Variants in NPR3 observed in about 807,000 individuals in gnomAD.
The protein encoded by NPR3 is atrial natriuretic peptide receptor 3.
A neutral mutation model predicts 54.5 loss-of-function variants in NPR3; 34 were observed. The observed-to-expected ratio is 0.62, with a 90% CI of 0.47 to 0.83. The LOEUF (loss-of-function observed/expected upper bound fraction) is 0.83, where lower values mean the gene tolerates loss of function less well. Ranked by LOEUF, NPR3 falls within the 40% of genes least tolerant of loss-of-function variation. The pLI is 0.00. For synonymous variants in NPR3, 289 were observed against 297.1 expected (o/e 0.97, Z 0.28); for missense variants, 674 against 720.8 (o/e 0.94, Z 0.74).
Position 32,785,138 on chromosome 5 carries a change from A to ATTT in NPR3, c.1514+281_1514+283dup, listed in dbSNP as rs11427729. ...AGCTGCTGCTGCCCTTTGATCACAGATTTTTTTTTTTTTTTTTTTTTTTTT... is the reference window on the plus strand; with the variant it reads ...AGCTGCTGCTGCCCTTTGATCACAGATTTTTTTTTTTTTTTTTTTTTTTTTTTT... On this transcript the variant is annotated intron_variant, in intron 7 of 7. Transcript: ENST00000265074. Among the ~76,000 whole-genome samples, 43 of 90,898 alleles carry ATTT rather than the reference A, an allele frequency of 4.7e-4. 2 individuals carry two copies. The highest frequency in any genetic ancestry group is 8.4e-4 in the African/African-American group (17 of 20,142). 59.6% of individuals were successfully genotyped at this position (90,898 alleles called of 152,430 possible).
intron 4 of NPR3, among the ~76,000 whole-genome samples, chr5:32,777,276 G>T (rs1294898447): frequency 2.3e-4 from 35 of 152,174 alleles, no homozygotes; most frequent in Non-Finnish European, 5.9e-5. Context: ...ATGCTTATGG[G>T]TATCACTTGA....
intron 3 of NPR3, among the ~76,000 whole-genome samples, chr5:32,751,186 C>A (rs993898813): frequency 1.3e-5 from 2 of 152,128 alleles, no homozygotes; most frequent in African/African-American, 4.8e-5. Flanking sequence ...TGTGTCCTGG[C>A]AGGTTATTTG....
In NPR3 at chr5:32,731,146, A is replaced by ATTGCT. The variant is rs1207703925; in HGVS notation, c.892+6327_892+6331dup. On this transcript the variant is annotated intron_variant, in intron 2 of 7. Transcript: ENST00000265074. ...CGTAAGAAGCCATACTATATGACTT[A>ATTGCT]TTGCTGGTGATGTTTGGACAACTTT... Among the ~76,000 whole-genome samples the ATTGCT allele has an allele frequency of 2.0e-5, 3 of 152,302 alleles. No homozygotes were observed. In the East Asian group the frequency reaches 5.8e-4, roughly 29 times the overall value.
At chr5:32,720,338 C>T (rs962406251) in intron 1 of NPR3, among the ~76,000 whole-genome samples, 10 of 152,188 alleles carry the variant, frequency 6.6e-5, no homozygotes, top group African/African-American at 2.4e-4. Context: ...AATGTTAGCA[C>T]ATTAGAGGTT....
chr5:32,730,824 A>G (rs1249668571), intron 2 of NPR3, among the ~76,000 whole-genome samples: 1 of 152,222 alleles, frequency 6.6e-6, no homozygotes, highest in Non-Finnish European at 1.5e-5. Flanking sequence ...AAATAAAAAA[A>G]TCTGTATTAA....
At chr5:32,778,356 T>G (rs1326475772) in intron 4 of NPR3, among the ~76,000 whole-genome samples, 1 of 152,228 alleles carries the variant, frequency 6.6e-6, no homozygotes, top group Non-Finnish European at 1.5e-5. Flanking sequence ...TAAAAAGGTC[T>G]CTAAGGTATC....
intron 3 of NPR3, among the ~76,000 whole-genome samples, chr5:32,772,827 T>C (rs1741841128): frequency 6.6e-6 from 1 of 152,214 alleles, no homozygotes; most frequent in Non-Finnish European, 1.5e-5. Context: ...ACTGTTAATT[T>C]TTCTCATTTT....
In NPR3 at chr5:32,712,276, A is replaced by G. The variant is rs565722160; in HGVS notation, c.500A>G (p.Lys167Arg). ...AGALAAGFQHKDSEYSHLTRV... is the reference protein window; with the variant it reads ...AGALAAGFQHRDSEYSHLTRV... ...GCGCTGGCCGCTGGCTTCCAGCACAAGGACTCTGAGTACTCGCACCTCACG... is the reference window on the plus strand; with the variant it reads ...GCGCTGGCCGCTGGCTTCCAGCACAGGGACTCTGAGTACTCGCACCTCACG... The change falls in exon 1 of 8, where the codon AAG (lysine) becomes AGG (arginine). Residue 167 changes from lysine to arginine, a missense_variant. Lys to Arg is a conservative substitution (Grantham distance 26). Coordinates refer to ENST00000265074, the MANE Select transcript of NPR3 (RefSeq NM_001204375.2). 4.0e-5 allele frequency: 64 copies of G among 1,613,050 alleles called. No individual in the cohort carries two copies. The South Asian group carries it at 6.7e-4, about 17-fold the overall frequency.
intron 1 of NPR3, among the ~76,000 whole-genome samples, chr5:32,695,110 A>G (rs1247802367): frequency 6.6e-6 from 1 of 152,150 alleles, no homozygotes; most frequent in Non-Finnish European, 1.5e-5. Flanking sequence ...TAGTCTGTTG[A>G]TGGACACTTG....
In NPR3 at chr5:32,724,883, T is replaced by C. The variant is rs1244599946; in HGVS notation, c.892+63T>C. On this transcript the variant is annotated intron_variant, in intron 2 of 7. Coordinates refer to ENST00000265074, the MANE Select transcript of NPR3 (RefSeq NM_001204375.2). ...TCCAAGAGAGGTTGTCAGATGCCCA[T>C]GAATGGTGGGTTGGATAAATAATAT... 3.2e-6 allele frequency: 5 copies of C among 1,584,198 alleles called. No individual in the cohort carries two copies. In the East Asian group the frequency reaches 6.7e-5, roughly 21 times the overall value.
chr5:32,722,760 A>C (rs1738930339), intron 1 of NPR3, among the ~76,000 whole-genome samples: 1 of 152,224 alleles, frequency 6.6e-6, no homozygotes, highest in African/African-American at 2.4e-5. Flanking sequence ...AGAGGCTAGA[A>C]TCAAATCAGA....
At chr5:32,731,882 A>G (rs1739467134) in intron 2 of NPR3, among the ~76,000 whole-genome samples, 1 of 152,130 alleles carries the variant, frequency 6.6e-6, no homozygotes, top group African/African-American at 2.4e-5. Context: ...AGGGATGATG[A>G]CTTCCTAATG....
chr5:32,701,481 G>A (rs557847567), intron 1 of NPR3, among the ~76,000 whole-genome samples: 11 of 152,316 alleles, frequency 7.2e-5, no homozygotes, highest in East Asian at 1.9e-4. Flanking sequence ...GAAAGATCAC[G>A]TATCTTTGTC....
intron 2 of NPR3, among the ~76,000 whole-genome samples, chr5:32,733,005 G>A (rs1033914444): frequency 4.0e-5 from 6 of 151,732 alleles, no homozygotes; most frequent in Non-Finnish European, 7.4e-5. Flanking sequence ...CCACCACGCC[G>A]GCTTAATTTT....
chr5:32,749,563 T>A (rs1408706014), intron 3 of NPR3, among the ~76,000 whole-genome samples: 1 of 152,194 alleles, frequency 6.6e-6, no homozygotes, highest in Non-Finnish European at 1.5e-5. Flanking sequence ...ATTCAACGGA[T>A]TATCCCAAAT....
upstream of NPR3, among the ~76,000 whole-genome samples, chr5:32,706,290 C>A (rs1176248962): frequency 6.6e-6 from 1 of 152,188 alleles, no homozygotes; most frequent in East Asian, 1.9e-4. Context: ...GAACCATGAG[C>A]TAATTAAACA....
rs185333270 is a variant in NPR3, at chr5:32,723,082, G to A, written c.770-1616G>A. Among the ~76,000 whole-genome samples the A allele has an allele frequency of 7.3e-4, 111 of 152,210 alleles. 1 individual carries two copies. Among genetic ancestry groups the A allele is most frequent in the African/African-American group, 2.6e-3 (110 of 41,554 alleles). ...AACCTCCATGCAGGTTGCCAAGGCC[G>A]CTTTGGCATAGCCTGAAGTTTGTTT... On this transcript the variant is annotated intron_variant, in intron 1 of 7. Transcript: ENST00000265074.
At chr5:32,751,612 A>C (rs979126145) in intron 3 of NPR3, among the ~76,000 whole-genome samples, 1 of 152,180 alleles carries the variant, frequency 6.6e-6, no homozygotes, top group African/African-American at 2.4e-5. Context: ...ATTTAGATGA[A>C]AATTTAACTA....
At chr5:32,692,794 T>C (rs1006255159) in intron 1 of NPR3, among the ~76,000 whole-genome samples, 2 of 152,216 alleles carry the variant, frequency 1.3e-5, no homozygotes, top group African/African-American at 4.8e-5. Flanking sequence ...CTTTAGGCTA[T>C]TGCATTTTTC....
Sources: gnomAD v4.1 joint callset for allele counts (sites outside exome capture counted in the v4.1 genomes callset) on GRCh38, gnomAD v4.1.1 for gene constraint, MANE v1.5 for transcripts, NCBI Gene and HGNC (gene_info 2026-07-23, HGNC 2026-07-21) for gene names.